PALLD: variants seen among roughly 807,000 people sequenced by gnomAD.
PALLD encodes the protein palladin, cytoskeletal associated protein, also known as palladin.
PALLD carries 61 observed loss-of-function variants against 123.5 expected under a neutral mutation model. The ratio of observed to expected loss-of-function variants is 0.49; its 90% confidence interval spans 0.40 to 0.61. PALLD has a LOEUF of 0.61. Ranked by LOEUF, PALLD falls within the 20% of genes least tolerant of loss-of-function variation. PALLD has a pLI of 0.00. For synonymous variants in PALLD, 465 were observed against 496.4 expected (o/e 0.94, Z 0.84); for missense variants, 1,273 against 1,377.0 (o/e 0.92, Z 1.20).
chr4:168,552,768 C>T (rs879354546), intron 2 of PALLD, among the ~76,000 whole-genome samples: 3 of 152,024 alleles, frequency 2.0e-5, no homozygotes, highest in Admixed American at 6.6e-5. Context: ...CTCTGCCTCC[C>T]GGGCTCATGC....
At chr4:168,518,052 A>G (rs1004042136) in intron 2 of PALLD, among the ~76,000 whole-genome samples, 9 of 152,038 alleles carry the variant, frequency 5.9e-5, no homozygotes, top group Non-Finnish European at 2.9e-5. Flanking sequence ...TCCTCCAAAA[A>G]CCTTCTCTTT....
At position 168,917,048 on chromosome 4, in the gene PALLD, G is replaced by GA. The variant is rs1422649296; in HGVS notation, c.2850+1021_2850+1022insA. On this transcript the variant is annotated intron_variant, in intron 17 of 21. Coordinates refer to ENST00000505667, the MANE Select transcript of PALLD (RefSeq NM_001166108.2). ...GCAGCAGGGCTTTTTGTTTTTTTGG[G>GA]GTTTTTTTTTTTTTTTTTGAGACGG... 2.2e-3 allele frequency among the ~76,000 whole-genome samples: 318 copies of GA among 143,456 alleles called. 3 individuals are homozygous for GA. The highest frequency in any genetic ancestry group is 3.6e-3 in the Non-Finnish European group (238 of 65,244). 94.1% of individuals were successfully genotyped at this position (143,456 alleles called of 152,430 possible). A position where few individuals can be genotyped will look rare whatever the true frequency, so the allele number is the denominator to read the frequency against.
intron 2 of PALLD, among the ~76,000 whole-genome samples, chr4:168,636,858 G>A (rs540263404): frequency 6.6e-6 from 1 of 152,162 alleles, no homozygotes; most frequent in African/African-American, 2.4e-5. Context: ...TGCTCAGCAG[G>A]GTGATCCATT....
chr4:168,858,345 A>T (rs1273124561), intron 10 of PALLD, among the ~76,000 whole-genome samples: 1 of 152,210 alleles, frequency 6.6e-6, no homozygotes, highest in Admixed American at 6.5e-5. Context: ...AAGTTTGATC[A>T]AGCATAAATA....
At chr4:168,540,765 A>G (rs1409536821) in intron 2 of PALLD, among the ~76,000 whole-genome samples, 1 of 151,964 alleles carries the variant, frequency 6.6e-6, no homozygotes, top group African/African-American at 2.4e-5. Flanking sequence ...AAGGCACTCC[A>G]AGCCCCCTTT....
intron 10 of PALLD, among the ~76,000 whole-genome samples, chr4:168,737,533 T>G (rs1357787460): frequency 1.3e-5 from 2 of 152,130 alleles, no homozygotes; most frequent in African/African-American, 4.8e-5. Context: ...TTGGTTTTTT[T>G]TTTGAAAACA....
chr4:168,723,985 G>A (rs183759697), intron 10 of PALLD, among the ~76,000 whole-genome samples: 351 of 149,554 alleles, frequency 2.3e-3, no homozygotes, highest in African/African-American at 8.1e-3. Flanking sequence ...CTCTGCCTGC[G>A]AGGTTCAAGC....
At chr4:168,561,264 T>C (rs72697236) in intron 2 of PALLD, among the ~76,000 whole-genome samples, 6 of 151,994 alleles carry the variant, frequency 3.9e-5, no homozygotes, top group East Asian at 1.9e-4. Context: ...TTCTTTTTTT[T>C]TCTCTCTCTC....
intron 2 of PALLD, among the ~76,000 whole-genome samples, chr4:168,556,108 T>G (rs2149556671): frequency 6.6e-6 from 1 of 152,152 alleles, no homozygotes; most frequent in East Asian, 1.9e-4. Flanking sequence ...TACCCTTTTT[T>G]TTTTTGAGAC....
intron 16 of PALLD, among the ~76,000 whole-genome samples, chr4:168,914,634 C>G (rs1759732687): frequency 6.6e-6 from 1 of 152,186 alleles, no homozygotes; most frequent in East Asian, 1.9e-4. Context: ...ATTATTACTT[C>G]TTAGTAACAC....
At chr4:168,735,402 G>A (rs1476157094) in intron 10 of PALLD, among the ~76,000 whole-genome samples, 1 of 152,172 alleles carries the variant, frequency 6.6e-6, no homozygotes, top group Non-Finnish European at 1.5e-5. Flanking sequence ...TTTCCTGAGA[G>A]AACAGCTTTA....
At chr4:168,792,162 G>T (rs983591506) in intron 10 of PALLD, among the ~76,000 whole-genome samples, 2 of 152,054 alleles carry the variant, frequency 1.3e-5, no homozygotes, top group Non-Finnish European at 2.9e-5. Context: ...CTGTATAATT[G>T]GTTTCTGGTG....
chr4:168,701,272 C>A (rs574406593), intron 8 of PALLD, among the ~76,000 whole-genome samples: 1 of 152,372 alleles, frequency 6.6e-6, no homozygotes, highest in South Asian at 2.1e-4. Flanking sequence ...GCCCCAGAGC[C>A]CATGTGCCCA....
intron 2 of PALLD, among the ~76,000 whole-genome samples, chr4:168,621,247 A>T (rs1774731303): frequency 6.6e-6 from 1 of 152,244 alleles, no homozygotes; most frequent in Non-Finnish European, 1.5e-5. Context: ...ATGAATCAAT[A>T]CTTGATTGAT....
At chr4:168,738,328 C>T (rs538967262) in intron 10 of PALLD, among the ~76,000 whole-genome samples, 1 of 152,298 alleles carries the variant, frequency 6.6e-6, no homozygotes, top group South Asian at 2.1e-4. Context: ...CTATGGAAGA[C>T]ACAGAGCATA....
At position 168,682,879 on chromosome 4, in the gene PALLD, A is replaced by T. The variant is rs186317477; in HGVS notation, c.1155-119A>T. The T allele has an allele frequency of 4.6e-4, 307 of 664,108 alleles. 2 individuals are homozygous for T. In the African/African-American group the frequency reaches 5.1e-3, roughly 11 times the overall value. 41.1% of individuals were successfully genotyped at this position (664,108 alleles called of 1,614,324 possible). A position where few individuals can be genotyped will look rare whatever the true frequency, so the allele number is the denominator to read the frequency against. ...TACAGTTGAAGCGGATTGCGTATAC[A>T]AAAAGAAACCCAGCTTTTCTGTTGA... On this transcript the variant is annotated intron_variant, in intron 4 of 21. Transcript: ENST00000505667.
chr4:168,850,690 C>G (rs1383904510), intron 10 of PALLD, among the ~76,000 whole-genome samples: 1 of 151,746 alleles, frequency 6.6e-6, no homozygotes, highest in East Asian at 1.9e-4. Context: ...CACCACCACA[C>G]CTGGCTAATT....
At chr4:168,645,610 A>G (rs1194688503) in intron 2 of PALLD, among the ~76,000 whole-genome samples, 1 of 152,122 alleles carries the variant, frequency 6.6e-6, no homozygotes, top group African/African-American at 2.4e-5. Flanking sequence ...TACTTCTCTC[A>G]TGGGGTTTCT....
At chr4:168,892,433 C>T (rs1463496600) in intron 11 of PALLD, among the ~76,000 whole-genome samples, 3 of 152,258 alleles carry the variant, frequency 2.0e-5, no homozygotes, top group East Asian at 1.9e-4. Context: ...ACAGACCACA[C>T]TTGAAAGCTG....
Sources: gnomAD v4.1 joint callset for allele counts (sites outside exome capture counted in the v4.1 genomes callset) on GRCh38, gnomAD v4.1.1 for gene constraint, MANE v1.5 for transcripts, NCBI Gene and HGNC (gene_info 2026-07-23, HGNC 2026-07-21) for gene names.